Variants in CAAP1 observed in about 807,000 individuals in gnomAD.
CAAP1 encodes the protein caspase activity and apoptosis inhibitor 1.
CAAP1 carries 20 observed loss-of-function variants against 34.0 expected under a neutral mutation model. That is an observed-to-expected ratio of 0.59 (90% confidence interval 0.41 to 0.86). CAAP1 has a LOEUF of 0.86. Among genes scored for constraint, CAAP1 ranks in the 40% least tolerant of loss-of-function variants. CAAP1 has a pLI of 0.00. For synonymous variants in CAAP1, 213 were observed against 166.7 expected (o/e 1.28, Z -2.14); for missense variants, 538 against 450.5 (o/e 1.19, Z -1.76).
At chr9:26,882,240 T>A (rs2131336538) in intron 4 of CAAP1, among the ~76,000 whole-genome samples, 1 of 152,348 alleles carries the variant, frequency 6.6e-6, no homozygotes, top group South Asian at 2.1e-4. Context: ...AGCCCAATGT[T>A]AATCGCCAAG....
At chr9:26,892,265 TTAGG>T in intron 1 of CAAP1, 144 bp downstream of exon 1, 1 of 1,524,882 alleles carries the variant, frequency 6.6e-7, no homozygotes, top group South Asian at 1.2e-5. Context: ...TCACCAGGAC[TTAGG>T]TAGGAACATG....
intron 5 of CAAP1, among the ~76,000 whole-genome samples, chr9:26,845,401 T>G (rs183207803): frequency 1.3e-5 from 2 of 152,314 alleles, no homozygotes; most frequent in Admixed American, 1.3e-4. Flanking sequence ...TGCTGAATAT[T>G]TGCTTTTTCT....
chr9:26,889,481 C>CA (rs1451983588), intron 1 of CAAP1, among the ~76,000 whole-genome samples: 1 of 152,020 alleles, frequency 6.6e-6, no homozygotes, highest in Non-Finnish European at 1.5e-5. Context: ...TGAATATATA[C>CA]AAAATCACTT....
At chr9:26,890,809 G>A (rs1179231413) in intron 1 of CAAP1, among the ~76,000 whole-genome samples, 1 of 151,668 alleles carries the variant, frequency 6.6e-6, no homozygotes, top group Admixed American at 6.5e-5. Context: ...GCTGGGCGTC[G>A]TGGCGGGCGC....
At chr9:26,854,754 A>G (rs1438259398) in intron 5 of CAAP1, among the ~76,000 whole-genome samples, 2 of 152,240 alleles carry the variant, frequency 1.3e-5, no homozygotes, top group African/African-American at 4.8e-5. Flanking sequence ...TGAGAAGACA[A>G]CTCACCAAAA....
In CAAP1 at chr9:26,892,400, G is replaced by C. The variant is rs538682075; in HGVS notation, c.303+13C>G. On this transcript the variant is annotated intron_variant, in intron 1 of 5. Coordinates refer to ENST00000333916, the MANE Select transcript of CAAP1 (RefSeq NM_024828.4). The stretch of plus-strand genomic sequence containing the variant: ...AGCAGCTCCAGGAAGCGGCCAGAGG[G>C]GCGCGCACGCACCTGCTGCAAGGAG... The C allele has an allele frequency of 6.2e-7, 1 of 1,604,416 alleles. No homozygotes were observed. Among genetic ancestry groups the C allele is most frequent in the Non-Finnish European group, 8.5e-7 (1 of 1,178,680 alleles).
Position 26,887,310 on chromosome 9 carries a change from T to C in CAAP1, c.504+3A>G. ...GTATCTAGTCTGATGTGTAATGAAG[T>C]ACCTTTAACACATCAGGAAGCATCT... is the stretch of plus-strand genomic sequence containing the variant. On this transcript the variant is annotated splice_donor_region_variant and intron_variant, in intron 2 of 5. Transcript: ENST00000333916. 6.4e-7 allele frequency: 1 copy of C among 1,550,636 alleles called. No homozygotes were observed. The highest frequency in any genetic ancestry group is 8.8e-7 in the Non-Finnish European group (1 of 1,141,606).
At chr9:26,877,327 C>T (rs1823464163) in intron 4 of CAAP1, among the ~76,000 whole-genome samples, 1 of 152,036 alleles carries the variant, frequency 6.6e-6, no homozygotes, top group Non-Finnish European at 1.5e-5. Flanking sequence ...ATTTCTGGCC[C>T]CAAGCATTTC....
At chr9:26,866,775 T>C (rs1039930132) in intron 4 of CAAP1, among the ~76,000 whole-genome samples, 3 of 152,186 alleles carry the variant, frequency 2.0e-5, no homozygotes, top group Admixed American at 6.5e-5. Context: ...TACCACAGCT[T>C]GGTGACTGAA....
At chr9:26,889,168 G>A (rs944866052) in intron 1 of CAAP1, among the ~76,000 whole-genome samples, 1 of 152,214 alleles carries the variant, frequency 6.6e-6, no homozygotes. Flanking sequence ...TGTAATCCCA[G>A]CAATTTGGGA....
At chr9:26,884,922 A>G in intron 3 of CAAP1, 37 bp from the exon 4 acceptor site, 2 of 1,382,308 alleles carry the variant, frequency 1.4e-6, no homozygotes. Context: ...GCACACTTAT[A>G]AAAACATTAA....
At chr9:26,892,367 G>T in intron 1 of CAAP1, 46 bp downstream of exon 1, 3 of 1,595,090 alleles carry the variant, frequency 1.9e-6, no homozygotes, top group Non-Finnish European at 2.6e-6. Flanking sequence ...GACTTCTTCC[G>T]AAAAAGCAGC....
rs201946909 is a variant in CAAP1 at position 26,844,187 on chromosome 9, A to G, written c.740-1540T>C. 3.3e-5 allele frequency among the ~76,000 whole-genome samples: 5 copies of G among 152,168 alleles called. No individual in the cohort carries two copies. The East Asian group carries it at 9.7e-4, about 29-fold the overall frequency. On this transcript the variant is annotated intron_variant, in intron 5 of 5. Transcript: ENST00000333916. Reference sequence around the variant, plus strand: ...AGCCTGACCAACATGGAGAAATCCCATCTCTACTAAAAATACAAAATTGGC... The same window carrying G: ...AGCCTGACCAACATGGAGAAATCCCGTCTCTACTAAAAATACAAAATTGGC...
chr9:26,886,992 G>A (rs1461305653), intron 2 of CAAP1, among the ~76,000 whole-genome samples: 1 of 152,154 alleles, frequency 6.6e-6, no homozygotes, highest in South Asian at 2.1e-4. Context: ...AAGGTGGGCA[G>A]ATCACGAGGT....
At chr9:26,879,215 T>A (rs1249354785) in intron 4 of CAAP1, among the ~76,000 whole-genome samples, 4 of 152,234 alleles carry the variant, frequency 2.6e-5, no homozygotes, top group Non-Finnish European at 5.9e-5. Context: ...TAATTTCTAT[T>A]TCTGTTTATT....
At position 26,842,426 on chromosome 9, in the gene CAAP1, G is replaced by C. The variant is rs1318983048; in HGVS notation, c.961C>G (p.Leu321Val). Residue 321 changes from leucine to valine, a missense_variant, in exon 6 of 6, where the codon CTG becomes GTG. Coordinates refer to ENST00000333916, the MANE Select transcript of CAAP1 (RefSeq NM_024828.4). Reference protein sequence around the residue: ...SSPNEPKAATLAVPPPEDVQP... With the variant: ...SSPNEPKAATVAVPPPEDVQP... ...ACATCTTCTGGTGGAGGAACAGCCA[G>C]GGTGGCTGCTTTGGGTTCGTTTGGG... is the stretch of plus-strand genomic sequence containing the variant. The C allele has an allele frequency of 1.2e-6, 2 of 1,614,046 alleles. No homozygotes were observed. Among genetic ancestry groups the C allele is most frequent in the Non-Finnish European group, 1.7e-6 (2 of 1,180,044 alleles).
At chr9:26,858,295 AT>A (rs1355501276) in intron 5 of CAAP1, among the ~76,000 whole-genome samples, 1 of 152,240 alleles carries the variant, frequency 6.6e-6, no homozygotes, top group Non-Finnish European at 1.5e-5. Context: ...AAAACAGGGA[AT>A]AATCTTTATT....
intron 4 of CAAP1, among the ~76,000 whole-genome samples, chr9:26,865,312 G>T (rs534133577): frequency 4.6e-5 from 7 of 152,110 alleles, no homozygotes. Flanking sequence ...ATCACCTGAG[G>T]TCAGAGTTTG....
chr9:26,854,052 T>TA (rs1227305248), intron 5 of CAAP1, among the ~76,000 whole-genome samples: 1 of 152,188 alleles, frequency 6.6e-6, no homozygotes. Context: ...ACAAGTTACG[T>TA]AAAGGCATAT....
Sources: gnomAD v4.1 joint callset for allele counts (sites outside exome capture counted in the v4.1 genomes callset) on GRCh38, gnomAD v4.1.1 for gene constraint, MANE v1.5 for transcripts, NCBI Gene and HGNC (gene_info 2026-07-23, HGNC 2026-07-21) for gene names.